SEZ6L2: variants seen among roughly 807,000 people sequenced by gnomAD.
SEZ6L2 encodes the protein seizure related 6 homolog like 2.
A neutral mutation model predicts 97.0 loss-of-function variants in SEZ6L2; 44 were observed. The ratio of observed to expected loss-of-function variants is 0.45; its 90% CI spans 0.36 to 0.58. The LOEUF is 0.58. Ranked by LOEUF, SEZ6L2 falls within the 20% of genes least tolerant of loss-of-function variation. The probability of loss-of-function intolerance (pLI) is 0.00; values close to 1 mark genes in which losing one functional copy is unlikely to be tolerated. For missense variants in SEZ6L2, 1,086 were observed against 1,233.3 expected (o/e 0.88, Z 1.79); for synonymous variants, 543 against 546.1 (o/e 0.99, Z 0.08).
rs1337572000 is a variant in SEZ6L2, at chr16:29,896,812, G to C, written c.511+10C>G. On this transcript the variant is annotated intron_variant, in intron 3 of 17. Coordinates refer to ENST00000617533, the MANE Select transcript of SEZ6L2 (RefSeq NM_001243332.2). Reference sequence around the variant, plus strand: ...GTCCTCCCACCCCCATCCCCTTGCTGTCGCCTCACCTGGGCTGGTCACCGT... The same window carrying C: ...GTCCTCCCACCCCCATCCCCTTGCTCTCGCCTCACCTGGGCTGGTCACCGT... The C allele has an allele frequency of 6.2e-7, 1 of 1,611,980 alleles. No individual in the cohort carries two copies. The highest frequency in any genetic ancestry group is 1.1e-5 in the South Asian group (1 of 90,816).
chr16:29,877,387 C>T lies in SEZ6L2; in HGVS notation c.1793G>A (p.Gly598Glu), dbSNP rs766619323. The change falls in exon 11 of 18, where the codon GGA (glycine) becomes GAA (glutamate). Residue 598 changes from glycine (G) to glutamate (E), a missense_variant. Gly to Glu is a moderately conservative substitution (Grantham distance 98). Around this residue, in one of 2 missense-constraint regions of SEZ6L2, gnomAD observed 776 missense variants for 794.7 expected, o/e 0.98. Transcript: ENST00000617533. The stretch of plus-strand genomic sequence containing the variant: ...GAGAAGGCGGCGGCGCGGCTGAGGT[C>T]CCCGCAGCTGGGCCAAGACTCGGGC... ...PSARVLAQLRGPQPRRRLLSS... is the reference protein window; with the variant it reads ...PSARVLAQLREPQPRRRLLSS... 8.7e-6 allele frequency: 14 copies of T among 1,613,338 alleles called. No homozygotes were observed. The highest frequency in any genetic ancestry group is 1.7e-5 in the Admixed American group (1 of 59,956).
rs2067897964 is a variant in SEZ6L2 at position 29,876,113 on chromosome 16, C to A, written c.2104+643G>T. ...CAGTCCTACTTCGCCGATGGGGAAA[C>A]CAAGCCTCAGAAATGCTAAGTGCCT... is the stretch of plus-strand genomic sequence containing the variant. On this transcript the variant is annotated intron_variant, in intron 12 of 17. Transcript: ENST00000617533. This position sits in a 1 kb window ranked among gnomAD's most constrained non-coding sequence, Gnocchi z 6.5. 6.6e-6 allele frequency among the ~76,000 whole-genome samples: 1 copy of A among 152,088 alleles called. No homozygotes were observed. Among genetic ancestry groups the A allele is most frequent in the Admixed American group, 6.6e-5 (1 of 15,264 alleles).
At chr16:29,878,259 T>A in intron 10 of SEZ6L2, 28 bp downstream of exon 10, 1 of 1,570,330 alleles carries the variant, frequency 6.4e-7, no homozygotes, top group Non-Finnish European at 8.7e-7. Flanking sequence ...CCTACACCCG[T>A]CGCACCCTCT....
In SEZ6L2 at chr16:29,896,870, T is replaced by C. The variant is rs779859841; in HGVS notation, c.463A>G (p.Thr155Ala). ...GPEGGEEETTTTIITTTTVTT... is the reference protein window; with the variant it reads ...GPEGGEEETTATIITTTTVTT... ...ACAGTTGTCGTGGTGATGATGGTGG[T>C]CGTCGTCTCCTCCTCTCCTCCCTCA... is the stretch of plus-strand genomic sequence containing the variant. Residue 155 changes from threonine (T) to alanine (A), a missense_variant, in exon 3 of 18, where the codon ACC (threonine) becomes GCC (alanine). By Grantham distance (58) the Thr-to-Ala change is moderately conservative. Coordinates refer to ENST00000617533, the MANE Select transcript of SEZ6L2 (RefSeq NM_001243332.2). 2 of 1,613,978 alleles carry C rather than the reference T, an allele frequency of 1.2e-6. No homozygotes were observed. The highest frequency in any genetic ancestry group is 1.7e-6 in the Non-Finnish European group (2 of 1,179,944).
chr16:29,880,109 C>T, intron 8 of SEZ6L2, 45 bp from the exon 9 acceptor site: 1 of 1,577,662 alleles, frequency 6.3e-7, no homozygotes, highest in South Asian at 1.1e-5. Flanking sequence ...GGACAGGCCT[C>T]AAGGGATCTT....
chr16:29,885,488 G>A, intron 8 of SEZ6L2, 98 bp downstream of exon 8: 1 of 1,311,776 alleles, frequency 7.6e-7, no homozygotes, highest in East Asian at 2.3e-5. Context: ...CCAGCACGGA[G>A]ATGAACAGGC....
At chr16:29,871,841 G>T (rs927184027) in intron 17 of SEZ6L2, 113 bp from the exon 18 acceptor site, 23 of 923,054 alleles carry the variant, frequency 2.5e-5, no homozygotes, top group Non-Finnish European at 4.0e-5. Flanking sequence ...ACCTCTAGGG[G>T]CTGGGGGGCC....
intron 10 of SEZ6L2, among the ~76,000 whole-genome samples, chr16:29,877,772 C>G (rs74017640): frequency 0.098 from 14,926 of 152,248 alleles, 2,083 homozygotes; most frequent in African/African-American, 0.29. Flanking sequence ...CACAGCCTAG[C>G]CCAACTCCAG....
Position 29,881,912 on chromosome 16 carries a change from G to A in SEZ6L2, c.1373-1848C>T, listed in dbSNP as rs188344237. On this transcript the variant is annotated intron_variant, in intron 8 of 17. Coordinates refer to ENST00000617533, the MANE Select transcript of SEZ6L2 (RefSeq NM_001243332.2). ...CCCAAAGTGCTGGGATTATAGGCGTGAGCCACCATACCCGGCCTTTTTTTT... is the reference window on the plus strand; with the variant it reads ...CCCAAAGTGCTGGGATTATAGGCGTAAGCCACCATACCCGGCCTTTTTTTT... Among the ~76,000 whole-genome samples the A allele has an allele frequency of 1.5e-3, 229 of 148,104 alleles. 2 individuals are homozygous for A. Among genetic ancestry groups the A allele is most frequent in the African/African-American group, 5.5e-3 (223 of 40,208 alleles).
intron 7 of SEZ6L2, 127 bp downstream of exon 7, chr16:29,887,522 C>T (rs1410832999): frequency 1.2e-5 from 10 of 800,132 alleles, no homozygotes; most frequent in Non-Finnish European, 1.7e-5. Context: ...CCGTGTTAGC[C>T]AGGATGGACT....
intron 8 of SEZ6L2, among the ~76,000 whole-genome samples, chr16:29,880,467 G>A (rs185244934): frequency 6.6e-6 from 1 of 152,172 alleles, no homozygotes; most frequent in Admixed American, 6.5e-5. Context: ...TTATAGGCAT[G>A]TGCTACTACG....
At position 29,895,261 on chromosome 16, in the gene SEZ6L2, T is replaced by G. The variant is rs1249402558; in HGVS notation, c.851A>C (p.Gln284Pro). The G allele has an allele frequency of 6.2e-7, 1 of 1,611,302 alleles. No homozygotes were observed. The highest frequency in any genetic ancestry group is 1.7e-5 in the Admixed American group (1 of 59,872). Residue 284 changes from glutamine to proline, a missense_variant and splice_region_variant, in exon 5 of 18, where the codon CAG (glutamine) becomes CCG (proline). Coordinates refer to ENST00000617533, the MANE Select transcript of SEZ6L2 (RefSeq NM_001243332.2). Reference sequence around the variant, plus strand: ...AGCAGCACCCTCAAACTCCTCACCCTGATAGTGGATCCTGAAGCCACCGCC... The same window carrying G: ...AGCAGCACCCTCAAACTCCTCACCCGGATAGTGGATCCTGAAGCCACCGCC... ...PRGGGFRIHY[Q>P]AYLLSCGFPP...
intron 12 of SEZ6L2, among the ~76,000 whole-genome samples, chr16:29,874,550 G>GTTTTTGTTTTTT (rs2067859275): frequency 1.5e-4 from 5 of 32,572 alleles, no homozygotes; most frequent in African/African-American, 3.3e-4. Context: ...GTGTGTGCTT[G>GTTTTTGTTTTTT]TTTTTTTTTT....
At chr16:29,893,507 C>T (rs577847033) in intron 5 of SEZ6L2, among the ~76,000 whole-genome samples, 1 of 151,410 alleles carries the variant, frequency 6.6e-6, no homozygotes, top group African/African-American at 2.4e-5. Context: ...ATTAGCCAGG[C>T]GTAGTGGCAG....
rs745784987 is a variant in SEZ6L2 at position 29,895,375 on chromosome 16, G to A, written c.737C>T (p.Ala246Val). The change falls in exon 5 of 18, where the codon GCC (alanine) becomes GTC (valine). Residue 246 changes from alanine to valine, a missense_variant. Transcript: ENST00000617533. ...TCCTTCTCCAAGCATGGATGAGTTG[G>A]CCAGGAGTCGGGGGGCCAGGCCTGG... ...GSPGLAPRLL[A>V]NSSMLGEGQV... is the part of the protein sequence containing the mutation. The A allele has an allele frequency of 1.2e-6, 2 of 1,614,080 alleles. No individual in the cohort carries two copies. The highest frequency in any genetic ancestry group is 2.2e-5 in the South Asian group (2 of 91,082).
rs1311905061 is a variant in SEZ6L2 at position 29,888,676 on chromosome 16, C to G, written c.903G>C (p.Val301=). The G allele has an allele frequency of 5.6e-6, 9 of 1,613,936 alleles. No homozygotes were observed. The highest frequency in any genetic ancestry group is 1.7e-6 in the Non-Finnish European group (2 of 1,179,914). Residue 301 remains valine (V), a synonymous_variant, in exon 6 of 18, where the codon GTG becomes GTC. Coordinates refer to ENST00000617533, the MANE Select transcript of SEZ6L2 (RefSeq NM_001243332.2). ...GFPPRPAHGD[V]SVTDLHPGGT... is the part of the protein sequence containing the mutation. ...CCCCAGGGTGCAGGTCCGTCACACT[C>G]ACGTCCCCATGGGCCGGCCGGGGAG...
intron 8 of SEZ6L2, among the ~76,000 whole-genome samples, chr16:29,883,012 A>T (rs2068060451): frequency 6.6e-6 from 1 of 152,172 alleles, no homozygotes; most frequent in South Asian, 2.1e-4. Flanking sequence ...CACTCCCAGA[A>T]TCTATCCCGC....
rs2068438746 is a variant in SEZ6L2 at position 29,897,842 on chromosome 16, G to A, written c.211+11C>T. On this transcript the variant is annotated intron_variant, in intron 2 of 17. Transcript: ENST00000617533. ...GCCTCTAGGCCACTCCTGCCACTCT[G>A]GGGGCCTCACCTGGCAGGTAGCCCA... 6.3e-7 allele frequency: 1 copy of A among 1,595,342 alleles called. No homozygotes were observed. Among genetic ancestry groups the A allele is most frequent in the African/African-American group, 1.4e-5 (1 of 73,510 alleles).
Position 29,873,390 on chromosome 16 carries a change from C to A in SEZ6L2, c.2338G>T (p.Gly780Cys), listed in dbSNP as rs2067828765. ...PCLNPGVPEN[G>C]YQTLYKHHYQ... is the part of the protein sequence containing the mutation. ...TGGTGCTTGTACAGCGTCTGGTAGC[C>A]ATTCTCGGGAACCCCCGGGTTCAGG... The change falls in exon 14 of 18, where the codon GGC (glycine) becomes TGC (cysteine). Residue 780 changes from glycine to cysteine, a missense_variant. By Grantham distance (159) the Gly-to-Cys change is radical. Coordinates refer to ENST00000617533, the MANE Select transcript of SEZ6L2 (RefSeq NM_001243332.2). The surrounding 1 kb of genome is among the most constrained non-coding windows in gnomAD (Gnocchi z 4.3). The A allele has an allele frequency of 1.9e-6, 3 of 1,614,124 alleles. No individual in the cohort carries two copies. The Admixed American group carries it at 5.0e-5, about 27-fold the overall frequency.
Sources: allele counts gnomAD v4.1 joint callset (sites outside exome capture counted in the v4.1 genomes callset), GRCh38; gene constraint gnomAD v4.1.1; regional missense constraint gnomAD v4.1.1; non-coding constraint Gnocchi (gnomAD v3.1); transcripts MANE v1.5; gene names NCBI Gene and HGNC (gene_info 2026-07-23, HGNC 2026-07-21).